SLC5A6: variants seen among roughly 807,000 people sequenced by gnomAD.
SLC5A6 encodes the protein solute carrier family 5 member 6.
Under a neutral mutation model 67.9 loss-of-function variants are expected in SLC5A6, and 31 were observed. The ratio of observed to expected loss-of-function variants is 0.46; its 90% CI spans 0.34 to 0.62. SLC5A6 has a LOEUF of 0.62. SLC5A6 is among the 20% of genes least tolerant of loss of function. The pLI, the probability that SLC5A6 is intolerant of heterozygous loss-of-function variation, is 0.01. For missense variants in SLC5A6, 673 were observed against 812.8 expected (o/e 0.83, Z 2.09); for synonymous variants, 343 against 331.0 (o/e 1.04, Z -0.39).
At chr2:27,203,399 T>C (rs1340021621) in intron 10 of SLC5A6, 54 bp from the exon 11 acceptor site, 14 of 1,462,298 alleles carry the variant, frequency 9.6e-6, no homozygotes, top group African/African-American at 1.4e-5. Context: ...GTCAGCTCTA[T>C]GGGACTCTAT....
At chr2:27,202,720 C>T in intron 12 of SLC5A6, 93 bp downstream of exon 12, 1 of 1,084,554 alleles carries the variant, frequency 9.2e-7, no homozygotes, top group Non-Finnish European at 1.4e-6. Context: ...GCCCCCCGGT[C>T]ATTCCCCTCA....
In SLC5A6 at chr2:27,207,033, T is replaced by C. The variant is rs972435237; in HGVS notation, c.394-91A>G. ...CAAGATGCTCAGGAACATGAGGGAATATCCAACCCATACCCACTCTGAGTC... is the reference window on the plus strand; with the variant it reads ...CAAGATGCTCAGGAACATGAGGGAACATCCAACCCATACCCACTCTGAGTC... On this transcript the variant is annotated intron_variant, in intron 3 of 16. Coordinates refer to ENST00000310574, the MANE Select transcript of SLC5A6 (RefSeq NM_021095.4). This position sits in a 1 kb window ranked among gnomAD's most constrained non-coding sequence, Gnocchi z 5.5. The C allele has an allele frequency of 3.3e-6, 4 of 1,200,832 alleles. No homozygotes were observed. In the African/African-American group the frequency reaches 6.0e-5, roughly 18 times the overall value. 74.4% of individuals were successfully genotyped at this position (1,200,832 alleles called of 1,614,324 possible). A position where few individuals can be genotyped will look rare whatever the true frequency, so the allele number is the denominator to read the frequency against.
At position 27,204,849 on chromosome 2, in the gene SLC5A6, C is replaced by T. The variant is rs775591365; in HGVS notation, c.817G>A (p.Val273Met). 1 of 1,614,168 alleles carries T rather than the reference C, an allele frequency of 6.2e-7. No individual in the cohort carries two copies. The highest frequency in any genetic ancestry group is 1.1e-5 in the South Asian group (1 of 91,082). ...GVFMMLSLYG[V>M]NQAQVQRYLS... Reference sequence around the variant, plus strand: ...TACCGCTGCACCTGAGCCTGGTTCACCCCGTATAAGGAGAGCATCATGAAG... The same window carrying T: ...TACCGCTGCACCTGAGCCTGGTTCATCCCGTATAAGGAGAGCATCATGAAG... The change falls in exon 8 of 17, where the codon GTG (valine) becomes ATG (methionine). Residue 273 changes from valine to methionine, a missense_variant. Coordinates refer to ENST00000310574, the MANE Select transcript of SLC5A6 (RefSeq NM_021095.4).
chr2:27,202,909 A>G (rs770924516), intron 11 of SLC5A6, 29 bp from the exon 12 acceptor site: 13 of 1,610,958 alleles, frequency 8.1e-6, no homozygotes, highest in African/African-American at 1.3e-5. Flanking sequence ...AGAGGAAACA[A>G]GAAGGTGTGA....
chr2:27,204,607 T>C lies in SLC5A6; in HGVS notation c.876-17A>G. The stretch of plus-strand genomic sequence containing the variant: ...TAACAGGAGCTGCAAAAGAGGTCAG[T>C]GCCAGGAGGAGAGCCGGCGTTAACA... On this transcript the variant is annotated splice_polypyrimidine_tract_variant and intron_variant, in intron 8 of 16. Coordinates refer to ENST00000310574, the MANE Select transcript of SLC5A6 (RefSeq NM_021095.4). 6.2e-7 allele frequency: 1 copy of C among 1,613,440 alleles called. No individual in the cohort carries two copies.
In SLC5A6 at chr2:27,212,192, G is replaced by A; in HGVS notation, c.-380C>T. ...GGGGTCGGCCAGTATCCCCGAAAGA[G>A]GGCTAGGGCGCATGAAGACCAGCGC... On this transcript the variant is annotated 5_prime_UTR_variant, in exon 1 of 17. Transcript: ENST00000310574. The A allele has an allele frequency of 6.5e-7, 1 of 1,550,154 alleles. No homozygotes were observed. The highest frequency in any genetic ancestry group is 8.7e-7 in the Non-Finnish European group (1 of 1,147,494).
intron 12 of SLC5A6, 92 bp downstream of exon 12, chr2:27,202,721 A>T: frequency 2.9e-6 from 3 of 1,052,458 alleles, no homozygotes; most frequent in Admixed American, 1.8e-5. Context: ...CCCCCCGGTC[A>T]TTCCCCTCAA....
rs755810308 is a variant in SLC5A6 at position 27,200,472 on chromosome 2, G to C, written c.1872C>G (p.Ser624Arg). The part of the protein sequence containing the change: ...MALDGTAYQG[S>R]SSTCILQETS... ...TCTCCTGGAGGATGCAGGTGGAGCT[G>C]CTCCCCTGATAGGCTGTGCCATCCA... is the stretch of plus-strand genomic sequence containing the variant. Residue 624 changes from serine to arginine, a missense_variant, in exon 17 of 17, where the codon AGC (serine) becomes AGG (arginine). Ser to Arg is a moderately radical substitution (Grantham distance 110, BLOSUM62 -1). Transcript: ENST00000310574. 15 of 1,613,868 alleles carry C rather than the reference G, an allele frequency of 9.3e-6. No homozygotes were observed. The highest frequency in any genetic ancestry group is 1.3e-5 in the Non-Finnish European group (15 of 1,179,850).
chr2:27,206,839 C>T (rs1355914053), intron 4 of SLC5A6, 38 bp downstream of exon 4: 6 of 1,519,286 alleles, frequency 3.9e-6, no homozygotes, highest in Non-Finnish European at 4.6e-6. Flanking sequence ...GGTCCCCCAA[C>T]ATGCCCTAGG....
intron 11 of SLC5A6, 36 bp downstream of exon 11, chr2:27,203,197 G>C: frequency 6.2e-7 from 1 of 1,613,184 alleles, no homozygotes; most frequent in Non-Finnish European, 8.5e-7. Context: ...AGCTTAGAAA[G>C]ACCCAGACTG....
rs573985573 is a variant in SLC5A6, at chr2:27,201,024, G to A, written c.1738C>T (p.Arg580Trp). 5.0e-6 allele frequency: 8 copies of A among 1,613,234 alleles called. No homozygotes were observed. Among genetic ancestry groups the A allele is most frequent in the Admixed American group, 3.3e-5 (2 of 59,936 alleles). Residue 580 changes from arginine to tryptophan, a missense_variant, in exon 16 of 17, where the codon CGG (arginine) becomes TGG (tryptophan). Physicochemically the swap from Arg to Trp is moderately radical, Grantham distance 101. Coordinates refer to ENST00000310574, the MANE Select transcript of SLC5A6 (RefSeq NM_021095.4). ...LSLLPLSCQK[R>W]LHCRSYGQDH... ...TGGCCGTAGCTCCTGCAGTGGAGCCGCTTCTGACAGGACAACGGAAGGAGG... is the reference window on the plus strand; with the variant it reads ...TGGCCGTAGCTCCTGCAGTGGAGCCACTTCTGACAGGACAACGGAAGGAGG...
chr2:27,204,968 G>A (rs1323924822), intron 7 of SLC5A6, 37 bp from the exon 8 acceptor site: 1 of 1,607,050 alleles, frequency 6.2e-7, no homozygotes, highest in East Asian at 2.2e-5. Flanking sequence ...TGCAAAGCCT[G>A]AGAGACACAG....
At chr2:27,205,616 T>G (rs975063249) in intron 6 of SLC5A6, 112 bp from the exon 7 acceptor site, 5 of 1,329,116 alleles carry the variant, frequency 3.8e-6, no homozygotes, top group Non-Finnish European at 5.3e-6. Flanking sequence ...GTTTTAGGCT[T>G]TTTGCAGCCT....
chr2:27,200,918 A>G, intron 16 of SLC5A6, 80 bp downstream of exon 16: 3 of 915,664 alleles, frequency 3.3e-6, no homozygotes, highest in Non-Finnish European at 5.2e-6. Flanking sequence ...GGGGAGAGAA[A>G]AGGGGTAGAA....
At chr2:27,204,706 TCTGGCATC>T in intron 8 of SLC5A6, 77 bp downstream of exon 8, 1 of 1,602,882 alleles carries the variant, frequency 6.2e-7, no homozygotes, top group Non-Finnish European at 8.5e-7. Flanking sequence ...GTGTATGCAC[TCTGGCATC>T]CTGCCCCACC....
At position 27,200,475 on chromosome 2, in the gene SLC5A6, C is replaced by T. The variant is rs753455526; in HGVS notation, c.1869G>A (p.Gly623=). Residue 623 remains glycine (G), a synonymous_variant, in exon 17 of 17, where the codon GGG becomes GGA. Transcript: ENST00000310574. ...AMALDGTAYQ[G]SSSTCILQET... ...CCTGGAGGATGCAGGTGGAGCTGCTCCCCTGATAGGCTGTGCCATCCAGGG... is the reference window on the plus strand; with the variant it reads ...CCTGGAGGATGCAGGTGGAGCTGCTTCCCTGATAGGCTGTGCCATCCAGGG... The T allele has an allele frequency of 4.3e-6, 7 of 1,613,764 alleles. No individual in the cohort carries two copies. In the Admixed American group the frequency reaches 5.0e-5, roughly 12 times the overall value.
In SLC5A6 at chr2:27,207,200, T is replaced by C. The variant is rs1674138183; in HGVS notation, c.393+58A>G. On this transcript the variant is annotated intron_variant, in intron 3 of 16. Transcript: ENST00000310574. This position sits in a 1 kb window ranked among gnomAD's most constrained non-coding sequence, Gnocchi z 5.5. ...GTCCCAGGTCCTTCCTATGTGCCTG[T>C]CCCTCCTCTCCACCCCAACCCGTGT... 1.3e-6 allele frequency: 2 copies of C among 1,574,166 alleles called. No individual in the cohort carries two copies. Among genetic ancestry groups the C allele is most frequent in the African/African-American group, 1.3e-5 (1 of 74,220 alleles).
chr2:27,207,130 C>T lies in SLC5A6; in HGVS notation c.393+128G>A, dbSNP rs184853877. ...CATCACTGAGAAAGAATTATAAACA[C>T]ACAATGAGTTTTCTGTCCCTCTCAT... On this transcript the variant is annotated intron_variant, in intron 3 of 16. Transcript: ENST00000310574. This position sits in a 1 kb window ranked among gnomAD's most constrained non-coding sequence, Gnocchi z 5.5. 6 of 1,131,634 alleles carry T rather than the reference C, an allele frequency of 5.3e-6. No individual in the cohort carries two copies. In the East Asian group the frequency reaches 7.1e-5, roughly 13 times the overall value. 70.1% of individuals were successfully genotyped at this position (1,131,634 alleles called of 1,614,324 possible). A position where few individuals can be genotyped will look rare whatever the true frequency, so the allele number is the denominator to read the frequency against.
intron 2 of SLC5A6, among the ~76,000 whole-genome samples, chr2:27,210,917 G>A (rs1183515178): frequency 6.6e-6 from 1 of 151,824 alleles, no homozygotes; most frequent in Non-Finnish European, 1.5e-5. Context: ...CCAGCTACTC[G>A]GGAGGTTGAG....
Sources: gnomAD v4.1 joint callset for allele counts (sites outside exome capture counted in the v4.1 genomes callset) on GRCh38, gnomAD v4.1.1 for gene constraint, Gnocchi (gnomAD v3.1) non-coding constraint, MANE v1.5 for transcripts, NCBI Gene and HGNC (gene_info 2026-07-23, HGNC 2026-07-21) for gene names.